Variants in EXOC4 observed in about 807,000 individuals in gnomAD.
EXOC4 encodes the protein SEC8-like 1.
In EXOC4, 71 loss-of-function variants were observed where a neutral mutation model predicts 107.2. The ratio of observed to expected loss-of-function variants is 0.66; its 90% CI spans 0.55 to 0.81. The LOEUF is 0.81. Ranked by LOEUF, EXOC4 falls within the 30% of genes least tolerant of loss-of-function variation. The pLI is 0.00. For synonymous variants in EXOC4, 456 were observed against 441.2 expected, an observed-to-expected ratio of 1.03 and a Z score of -0.42; for missense variants, 1,108 against 1,189.6, an observed-to-expected ratio of 0.93 and a Z score of 1.01.
At chr7:134,070,277 C>T (rs1187122031), downstream of EXOC4, among the ~76,000 whole-genome samples, 3 of 149,076 alleles carry the variant, frequency 2.0e-5, no homozygotes, top group Admixed American at 1.3e-4. Flanking sequence ...ATGTGAAATA[C>T]AGCAGAGGTT....
intron 9 of EXOC4, among the ~76,000 whole-genome samples, chr7:133,558,006 A>C (rs1800727529): frequency 6.6e-6 from 1 of 151,792 alleles, no homozygotes; most frequent in Admixed American, 6.6e-5. Flanking sequence ...AAAACAAAAA[A>C]CCCCAGCAAA....
intron 7 of EXOC4, among the ~76,000 whole-genome samples, chr7:133,414,746 T>G (rs891223134): frequency 6.6e-6 from 1 of 152,164 alleles, no homozygotes; most frequent in African/African-American, 2.4e-5. Flanking sequence ...ATATTCTGTA[T>G]TATAGATAAA....
At chr7:133,942,396 A>C (rs1416681281) in intron 14 of EXOC4, among the ~76,000 whole-genome samples, 1 of 152,162 alleles carries the variant, frequency 6.6e-6, no homozygotes, top group Non-Finnish European at 1.5e-5. Context: ...ATGCATCCAA[A>C]AATATTTCTG....
chr7:133,292,149 A>G (rs953627218), intron 3 of EXOC4, among the ~76,000 whole-genome samples: 1 of 152,200 alleles, frequency 6.6e-6, no homozygotes, highest in Non-Finnish European at 1.5e-5. Flanking sequence ...GATTGACACC[A>G]TCCTGGCCAA....
At chr7:133,958,745 TCTTA>T (rs1374629877) in intron 14 of EXOC4, among the ~76,000 whole-genome samples, 1 of 152,218 alleles carries the variant, frequency 6.6e-6, no homozygotes, top group Non-Finnish European at 1.5e-5. Flanking sequence ...GATTTTTCTC[TCTTA>T]CTTCATATAC....
At chr7:133,566,811 G>A (rs1800914921) in intron 9 of EXOC4, among the ~76,000 whole-genome samples, 1 of 152,144 alleles carries the variant, frequency 6.6e-6, no homozygotes, top group Non-Finnish European at 1.5e-5. Flanking sequence ...TCAATAAACT[G>A]TTTTTAGATG....
At chr7:133,856,673 G>C (rs542010054) in intron 11 of EXOC4, among the ~76,000 whole-genome samples, 2 of 152,238 alleles carry the variant, frequency 1.3e-5, no homozygotes, top group East Asian at 3.9e-4. Flanking sequence ...GGAATGGGTA[G>C]GGCAGTGGCC....
chr7:133,864,114 T>C (rs1798589346), intron 11 of EXOC4, among the ~76,000 whole-genome samples: 1 of 152,182 alleles, frequency 6.6e-6, no homozygotes, highest in African/African-American at 2.4e-5. Flanking sequence ...TAAAATAAAA[T>C]AGTACAGAGC....
At chr7:134,050,135 C>G (rs1307626049) in intron 17 of EXOC4, among the ~76,000 whole-genome samples, 1 of 152,054 alleles carries the variant, frequency 6.6e-6, no homozygotes, top group Admixed American at 6.5e-5. Context: ...AAGACTGCTT[C>G]TATATGTATA....
At chr7:133,932,352 G>C (rs996642585) in intron 13 of EXOC4, among the ~76,000 whole-genome samples, 1 of 152,154 alleles carries the variant, frequency 6.6e-6, no homozygotes, top group East Asian at 1.9e-4. Flanking sequence ...ACAGGAGTAG[G>C]AGAGATACTG....
At chr7:133,779,878 G>GCAA (rs1796425683) in intron 10 of EXOC4, among the ~76,000 whole-genome samples, 1 of 152,058 alleles carries the variant, frequency 6.6e-6, no homozygotes, top group Non-Finnish European at 1.5e-5. Flanking sequence ...CCAGCCAGCA[G>GCAA]CAGCAACATT....
At chr7:133,951,525 T>A (rs1291029505) in intron 14 of EXOC4, among the ~76,000 whole-genome samples, 5 of 152,222 alleles carry the variant, frequency 3.3e-5, no homozygotes, top group Non-Finnish European at 7.3e-5. Context: ...CTACCAATAT[T>A]TGCCCATAGT....
chr7:133,688,451 A>G (rs966659550), intron 10 of EXOC4, among the ~76,000 whole-genome samples: 1 of 152,208 alleles, frequency 6.6e-6, no homozygotes, highest in Admixed American at 6.5e-5. Flanking sequence ...ACTTTACTCT[A>G]GAAATGACAG....
intron 2 of EXOC4, among the ~76,000 whole-genome samples, chr7:133,281,310 A>T (rs1018019564): frequency 6.6e-6 from 1 of 150,470 alleles, no homozygotes. Context: ...ATAAATAAAT[A>T]AAAAGAAAAT....
At chr7:133,775,001 G>A (rs1796317073) in intron 10 of EXOC4, among the ~76,000 whole-genome samples, 1 of 152,016 alleles carries the variant, frequency 6.6e-6, no homozygotes. Flanking sequence ...GTAGGGCAGT[G>A]GAATAGAGCA....
chr7:133,538,085 G>A (rs1444806145), intron 9 of EXOC4, among the ~76,000 whole-genome samples: 1 of 152,050 alleles, frequency 6.6e-6, no homozygotes, highest in Admixed American at 6.6e-5. Context: ...TTCAGAGGTT[G>A]GATAACTTGC....
intron 9 of EXOC4, among the ~76,000 whole-genome samples, chr7:133,568,067 T>A (rs1445628564): frequency 6.6e-6 from 1 of 152,248 alleles, no homozygotes; most frequent in East Asian, 1.9e-4. Context: ...AATTCTTGAC[T>A]CATTCCCATT....
intron 9 of EXOC4, among the ~76,000 whole-genome samples, chr7:133,600,948 T>C (rs932791156): frequency 2.0e-5 from 3 of 152,244 alleles, no homozygotes; most frequent in Admixed American, 6.5e-5. Context: ...TAAGAAAGTA[T>C]GTAATTAAAT....
intron 6 of EXOC4, among the ~76,000 whole-genome samples, chr7:133,369,710 A>G (rs1796322190): frequency 6.6e-6 from 1 of 151,880 alleles, no homozygotes; most frequent in African/African-American, 2.4e-5. Context: ...GCTGAGCTCC[A>G]GACTTGCATA....
Sources: allele counts gnomAD v4.1 joint callset (sites outside exome capture counted in the v4.1 genomes callset), GRCh38; gene constraint gnomAD v4.1.1; transcripts MANE v1.5; gene names NCBI Gene and HGNC (gene_info 2026-07-23, HGNC 2026-07-21).